The following KCNQ1 variants were observed in gnomAD, a reference collection of about 807,000 sequenced individuals.
KCNQ1 encodes potassium voltage-gated channel subfamily KQT member 1.
In KCNQ1, 49 loss-of-function variants were observed where a neutral mutation model predicts 72.4. The ratio of observed to expected loss-of-function variants is 0.68; its 90% CI spans 0.54 to 0.86. The LOEUF (loss-of-function observed/expected upper bound fraction) is 0.86. Ranked by LOEUF, KCNQ1 falls within the 40% of genes least tolerant of loss-of-function variation. The probability of loss-of-function intolerance (pLI) is 0.00; values close to 1 mark genes in which losing one functional copy is unlikely to be tolerated. For synonymous variants in KCNQ1, 450 were observed against 412.6 expected (o/e 1.09, Z -1.10); for missense variants, 790 against 945.1 (o/e 0.84, Z 2.15).
chr11:2,629,456 G>GT, intron 10 of KCNQ1: 1 of 398,388 alleles, frequency 2.5e-6, no homozygotes, highest in Admixed American at 4.4e-5. Context: ...GAGTTTTATA[G>GT]TTTTAGGTCT....
At chr11:2,580,940 C>T (rs1385737306) in intron 6 of KCNQ1, among the ~76,000 whole-genome samples, 2 of 152,204 alleles carry the variant, frequency 1.3e-5, no homozygotes, top group Admixed American at 1.3e-4. Flanking sequence ...GAGGCAGAGC[C>T]CGGAGTGGAG....
rs1847319129 is a variant in KCNQ1, at chr11:2,803,706, G to T, written c.1794+25669G>T. On this transcript the variant is annotated intron_variant, in intron 15 of 15. Transcript: ENST00000155840. The surrounding 1 kb of genome is among the most constrained non-coding windows in gnomAD (Gnocchi z 6.4). Reference sequence around the variant, plus strand: ...CCAGGGCTGTGGCCTGCCCAGACTTGCCAGGGAGCTCCTGTGCCCTTCTTT... The same window carrying T: ...CCAGGGCTGTGGCCTGCCCAGACTTTCCAGGGAGCTCCTGTGCCCTTCTTT... Among the ~76,000 whole-genome samples, 1 of 152,070 alleles carries T rather than the reference G, an allele frequency of 6.6e-6. No individual in the cohort carries two copies. The highest frequency in any genetic ancestry group is 2.4e-5 in the African/African-American group (1 of 41,396).
At chr11:2,697,783 G>A in intron 11 of KCNQ1, 1 of 398,598 alleles carries the variant, frequency 2.5e-6, no homozygotes, top group Non-Finnish European at 4.4e-6. Context: ...ATTGTACAAG[G>A]AACTTCTGCA....
chr11:2,841,577 G>C lies in KCNQ1; in HGVS notation c.1795-6190G>C, dbSNP rs80014397. Among the ~76,000 whole-genome samples the C allele has an allele frequency of 7.0e-4, 106 of 152,318 alleles. 1 individual carries two copies. The East Asian group carries it at 0.019, about 27-fold the overall frequency. On this transcript the variant is annotated intron_variant, in intron 15 of 15. Coordinates refer to ENST00000155840, the MANE Select transcript of KCNQ1 (RefSeq NM_000218.3). The stretch of plus-strand genomic sequence containing the variant: ...GTCGTGCCCTGTGGATACAGGATTC[G>C]GGCCGGCTTGGGAGGAATCTGAGCT...
chr11:2,469,941 T>G (rs1846418215), intron 1 of KCNQ1, among the ~76,000 whole-genome samples: 1 of 152,210 alleles, frequency 6.6e-6, no homozygotes, highest in African/African-American at 2.4e-5. Context: ...ATTACAGGCA[T>G]GAGCCACCAC....
rs1850224030 is a variant in KCNQ1 at position 2,673,428 on chromosome 11, GT to G, written c.1514+11349del. ...TTCTGCCTAGGCACCAGGCCTGGAG[GT>G]TCCAACTTGGTGTTGGGCCTCCTTG... On this transcript the variant is annotated intron_variant, in intron 11 of 15. Coordinates refer to ENST00000155840, the MANE Select transcript of KCNQ1 (RefSeq NM_000218.3). The surrounding 1 kb of genome is among the most constrained non-coding windows in gnomAD (Gnocchi z 4.5). The G allele has an allele frequency of 2.5e-6, 1 of 398,574 alleles. No individual in the cohort carries two copies. The highest frequency in any genetic ancestry group is 2.1e-5 in the African/African-American group (1 of 48,646). The allele number at this position is 398,574 out of a possible 1,614,324, so 24.7% of individuals were successfully genotyped here.
chr11:2,466,601 C>T (rs2133590056), intron 1 of KCNQ1, among the ~76,000 whole-genome samples: 1 of 152,316 alleles, frequency 6.6e-6, no homozygotes, highest in Non-Finnish European at 1.5e-5. Context: ...CCAGCCTTGC[C>T]CGGGGGCACA....
Position 2,678,459 on chromosome 11 carries a change from A to G in KCNQ1, c.1514+16378A>G. 1 of 398,558 alleles carries G rather than the reference A, an allele frequency of 2.5e-6. No individual in the cohort carries two copies. Among genetic ancestry groups the G allele is most frequent in the South Asian group, 1.3e-4 (1 of 7,852 alleles). 24.7% of individuals were successfully genotyped at this position (398,558 alleles called of 1,614,324 possible). A position where few individuals can be genotyped will look rare whatever the true frequency, so the allele number is the denominator to read the frequency against. ...CATCTCTCTACTAATTTCAACTGCT[A>G]CCTTTATCATATTTCAAACTCTCAT... is the stretch of plus-strand genomic sequence containing the variant. On this transcript the variant is annotated intron_variant, in intron 11 of 15. Coordinates refer to ENST00000155840, the MANE Select transcript of KCNQ1 (RefSeq NM_000218.3). The surrounding 1 kb of genome is among the most constrained non-coding windows in gnomAD (Gnocchi z 4.9).
Position 2,664,577 on chromosome 11 carries a change from T to A in KCNQ1, c.1514+2496T>A, listed in dbSNP as rs1850030122. ...GGGCCGTGCAGGTCTTCTGCCCGCATTGGGGCTGCATTCCTCCACCTCCTG... is the reference window on the plus strand; with the variant it reads ...GGGCCGTGCAGGTCTTCTGCCCGCAATGGGGCTGCATTCCTCCACCTCCTG... On this transcript the variant is annotated intron_variant, in intron 11 of 15. Coordinates refer to ENST00000155840, the MANE Select transcript of KCNQ1 (RefSeq NM_000218.3). This position sits in a 1 kb window ranked among gnomAD's most constrained non-coding sequence, Gnocchi z 5.1. 1 of 398,512 alleles carries A rather than the reference T, an allele frequency of 2.5e-6. No individual in the cohort carries two copies. Among genetic ancestry groups the A allele is most frequent in the East Asian group, 3.6e-5 (1 of 28,066 alleles). The allele number at this position is 398,512 out of a possible 1,614,324, so 24.7% of individuals were successfully genotyped here. A position where few individuals can be genotyped will look rare whatever the true frequency, so the allele number is the denominator to read the frequency against.
chr11:2,507,883 G>A lies in KCNQ1; in HGVS notation c.387-20045G>A, dbSNP rs1179629854. On this transcript the variant is annotated intron_variant, in intron 1 of 15. Coordinates refer to ENST00000155840, the MANE Select transcript of KCNQ1 (RefSeq NM_000218.3). The surrounding 1 kb of genome is among the most constrained non-coding windows in gnomAD (Gnocchi z 5.4). ...TTGGGTGTCCTGCAGCCTCCACAGG[G>A]GCAATGGAGGAAGAACAAAGGACTC... Among the ~76,000 whole-genome samples, 6 of 152,272 alleles carry A rather than the reference G, an allele frequency of 3.9e-5. No individual in the cohort carries two copies. Among genetic ancestry groups the A allele is most frequent in the African/African-American group, 1.2e-4 (5 of 41,548 alleles).
rs1849263185 is a variant in KCNQ1 at position 2,626,422 on chromosome 11, A to G, written c.1394-35539A>G. 7.5e-6 allele frequency: 3 copies of G among 398,600 alleles called. No individual in the cohort carries two copies. In the East Asian group the frequency reaches 1.1e-4, roughly 14 times the overall value. 24.7% of individuals were successfully genotyped at this position (398,600 alleles called of 1,614,324 possible). On this transcript the variant is annotated intron_variant, in intron 10 of 15. Coordinates refer to ENST00000155840, the MANE Select transcript of KCNQ1 (RefSeq NM_000218.3). The surrounding 1 kb of genome is among the most constrained non-coding windows in gnomAD (Gnocchi z 4.0). ...TGGCACTCTTCTCAGGAATCATTTGATCATGTATACAAGGGTTTATTTTTG... is the reference window on the plus strand; with the variant it reads ...TGGCACTCTTCTCAGGAATCATTTGGTCATGTATACAAGGGTTTATTTTTG...
intron 8 of KCNQ1, among the ~76,000 whole-genome samples, chr11:2,586,301 G>T (rs1351125363): frequency 6.6e-6 from 1 of 152,234 alleles, no homozygotes; most frequent in Admixed American, 6.5e-5. Flanking sequence ...GGGGCCAGTC[G>T]CAGTCCTCCT....
In KCNQ1 at chr11:2,550,512, C is replaced by T. The variant is rs1482747348; in HGVS notation, c.478-20116C>T. Among the ~76,000 whole-genome samples the T allele has an allele frequency of 1.3e-5, 2 of 152,206 alleles. No individual in the cohort carries two copies. Among genetic ancestry groups the T allele is most frequent in the Admixed American group, 1.3e-4 (2 of 15,288 alleles). On this transcript the variant is annotated intron_variant, in intron 2 of 15. Transcript: ENST00000155840. This position sits in a 1 kb window ranked among gnomAD's most constrained non-coding sequence, Gnocchi z 6.0. The stretch of plus-strand genomic sequence containing the variant: ...GGAAAGCAGCCAAGGGCACTGCCCG[C>T]CCTGGGAGCTGATGCCTGACATGCA...
rs1846851201 is a variant in KCNQ1 at position 2,783,092 on chromosome 11, G to A, written c.1794+5055G>A. On this transcript the variant is annotated intron_variant, in intron 15 of 15. Transcript: ENST00000155840. This position sits in a 1 kb window ranked among gnomAD's most constrained non-coding sequence, Gnocchi z 5.2. ...ATGGCTTTCTAAATTTTTAAGGTATGCATTTAAGGTTATAAATTTTTCCTT... is the reference window on the plus strand; with the variant it reads ...ATGGCTTTCTAAATTTTTAAGGTATACATTTAAGGTTATAAATTTTTCCTT... Among the ~76,000 whole-genome samples the A allele has an allele frequency of 6.6e-6, 1 of 152,010 alleles. No homozygotes were observed. The highest frequency in any genetic ancestry group is 1.5e-5 in the Non-Finnish European group (1 of 67,988).
intron 10 of KCNQ1, chr11:2,660,452 C>T: frequency 2.5e-6 from 1 of 398,566 alleles, no homozygotes; most frequent in East Asian, 3.6e-5. Context: ...ATAAAAGCAA[C>T]ATAATTCAGG....
At position 2,482,536 on chromosome 11, in the gene KCNQ1, A is replaced by G. The variant is rs1846668094; in HGVS notation, c.386+37052A>G. Reference sequence around the variant, plus strand: ...TTGCAGGAGAAGACTGACAGGATCAAAGGGTTCCTGCATTTTTATGGCTCT... The same window carrying G: ...TTGCAGGAGAAGACTGACAGGATCAGAGGGTTCCTGCATTTTTATGGCTCT... On this transcript the variant is annotated intron_variant, in intron 1 of 15. Transcript: ENST00000155840. This position sits in a 1 kb window ranked among gnomAD's most constrained non-coding sequence, Gnocchi z 5.7. Among the ~76,000 whole-genome samples the G allele has an allele frequency of 6.6e-6, 1 of 152,136 alleles. No homozygotes were observed. Among genetic ancestry groups the G allele is most frequent in the South Asian group, 2.1e-4 (1 of 4,828 alleles).
At chr11:2,791,591 C>A (rs982843558) in intron 15 of KCNQ1, among the ~76,000 whole-genome samples, 1 of 151,826 alleles carries the variant, frequency 6.6e-6, no homozygotes, top group Non-Finnish European at 1.5e-5. Flanking sequence ...AAACCGCGGG[C>A]GGGGAAGGAA....
chr11:2,660,280 A>C (rs1276233517), intron 10 of KCNQ1: 2 of 398,414 alleles, frequency 5.0e-6, no homozygotes, highest in Non-Finnish European at 8.9e-6. Context: ...TACTAAATGC[A>C]TTAAAACTTT....
In KCNQ1 at chr11:2,808,990, G is replaced by C. The variant is rs1280231793; in HGVS notation, c.1794+30953G>C. Among the ~76,000 whole-genome samples, 1 of 151,174 alleles carries C rather than the reference G, an allele frequency of 6.6e-6. No individual in the cohort carries two copies. The highest frequency in any genetic ancestry group is 1.5e-5 in the Non-Finnish European group (1 of 67,784). On this transcript the variant is annotated intron_variant, in intron 15 of 15. Coordinates refer to ENST00000155840, the MANE Select transcript of KCNQ1 (RefSeq NM_000218.3). This position sits in a 1 kb window ranked among gnomAD's most constrained non-coding sequence, Gnocchi z 6.0. ...ACAGAGAAATAGATGCAGAGATGGA[G>C]GGAGGGAGGGAAGGAGGGATGGATA...
Sources: gnomAD v4.1 joint callset for allele counts (sites outside exome capture counted in the v4.1 genomes callset) on GRCh38, gnomAD v4.1.1 for gene constraint, Gnocchi (gnomAD v3.1) non-coding constraint, MANE v1.5 for transcripts, NCBI Gene and HGNC (gene_info 2026-07-23, HGNC 2026-07-21) for gene names.